PRSS55: variants seen among roughly 807,000 people sequenced by gnomAD.
PRSS55 encodes the protein serine protease 55.
Under a neutral mutation model 23.6 loss-of-function variants are expected in PRSS55, and 41 were observed. The observed-to-expected ratio is 1.74, with a 90% CI of 1.35 to 2.26. PRSS55 has a LOEUF of 2.26. Among genes scored for constraint, PRSS55 ranks in the 30% most tolerant of loss-of-function variants. PRSS55 has a pLI of 0.00. For synonymous variants in PRSS55, 262 were observed against 175.5 expected, an observed-to-expected ratio of 1.49 and a Z score of -3.90; for missense variants, 669 against 439.1, an observed-to-expected ratio of 1.52 and a Z score of -4.68.
chr8:10,547,742 C>T (rs1472712640), intron 4 of PRSS55, among the ~76,000 whole-genome samples: 1 of 141,018 alleles, frequency 7.1e-6, no homozygotes, highest in East Asian at 2.5e-4. Flanking sequence ...CCCCGCCCCG[C>T]CCCGCCCCAG....
At chr8:10,532,800 G>A (rs1210052452) in intron 3 of PRSS55, 106 bp from the exon 4 acceptor site, 3 of 1,408,286 alleles carry the variant, frequency 2.1e-6, no homozygotes, top group South Asian at 2.6e-5. Context: ...GTGAAGGAAG[G>A]GGATGGGGGC....
At chr8:10,553,888 G>A (rs1439486329) in intron 4 of PRSS55, 7 of 1,228,760 alleles carry the variant, frequency 5.7e-6, no homozygotes, top group Non-Finnish European at 7.9e-6. Flanking sequence ...GCACCACATT[G>A]TACAATAAAT....
In PRSS55 at chr8:10,531,447, A is replaced by T; in HGVS notation, c.500A>T (p.Lys167Met). The T allele has an allele frequency of 6.2e-7, 1 of 1,614,208 alleles. No homozygotes were observed. The highest frequency in any genetic ancestry group is 1.1e-5 in the South Asian group (1 of 91,092). ...IALLLLASPI[K>M]LDDLKVPICL... ...TTGCTGCTGCTGGCTTCGCCCATCA[A>T]GCTCGATGACCTGAAGGTGCCCATC... Residue 167 changes from lysine to methionine, a missense_variant, in exon 3 of 5, where the codon AAG (lysine) becomes ATG (methionine). Physicochemically the swap from Lys to Met is moderately conservative, Grantham distance 95. Transcript: ENST00000328655.
intron 4 of PRSS55, 37 bp from the exon 5 acceptor site, chr8:10,538,439 A>G: frequency 6.6e-7 from 1 of 1,521,480 alleles, no homozygotes; most frequent in Non-Finnish European, 9.0e-7. Context: ...GCAGCTTAGA[A>G]CCGGACTCCC....
intron 4 of PRSS55, among the ~76,000 whole-genome samples, chr8:10,550,616 G>A (rs74777978): frequency 0.021 from 3,133 of 152,252 alleles, 114 homozygotes; most frequent in African/African-American, 0.072. Context: ...TTCTGAGACC[G>A]ATTGCCTGAA....
downstream of PRSS55, among the ~76,000 whole-genome samples, chr8:10,539,387 C>A (rs1444458193): frequency 6.6e-6 from 1 of 152,258 alleles, no homozygotes; most frequent in Non-Finnish European, 1.5e-5. Flanking sequence ...GCCCAGGCAG[C>A]CTTCACATGG....
At chr8:10,551,938 G>T (rs1289337602) in intron 4 of PRSS55, among the ~76,000 whole-genome samples, 1 of 152,220 alleles carries the variant, frequency 6.6e-6, no homozygotes, top group Non-Finnish European at 1.5e-5. Flanking sequence ...GCCCAAAGAG[G>T]CAGTTAAACG....
chr8:10,536,401 T>C (rs1812453993), intron 4 of PRSS55, among the ~76,000 whole-genome samples: 2 of 152,222 alleles, frequency 1.3e-5, no homozygotes, highest in Non-Finnish European at 2.9e-5. Context: ...AGAATGCTTC[T>C]ACACTTCTGG....
chr8:10,553,374 T>C (rs774494439), intron 4 of PRSS55, among the ~76,000 whole-genome samples: 3 of 152,194 alleles, frequency 2.0e-5, no homozygotes, highest in Admixed American at 6.5e-5. Flanking sequence ...GAGAATGGAC[T>C]AATACAACAT....
rs1362498172 is a variant in PRSS55, at chr8:10,531,416, A to G, written c.469A>G (p.Ile157Val). 1.2e-6 allele frequency: 2 copies of G among 1,614,120 alleles called. No homozygotes were observed. The highest frequency in any genetic ancestry group is 2.7e-5 in the African/African-American group (2 of 74,952). The change falls in exon 3 of 5, where the codon ATT becomes GTT. Residue 157 changes from isoleucine (I) to valine (V), a missense_variant. Transcript: ENST00000328655. ...DFKRANMDND[I>V]ALLLLASPIK... ...TAAGAGAGCCAACATGGACAATGAC[A>G]TTGCCTTGCTGCTGCTGGCTTCGCC...
rs182415235 is a variant in PRSS55 at position 10,535,968 on chromosome 8, C to G, written c.742-2508C>G. Among the ~76,000 whole-genome samples the G allele has an allele frequency of 2.0e-4, 31 of 152,300 alleles. No individual in the cohort carries two copies. In the East Asian group the frequency reaches 5.4e-3, roughly 27 times the overall value. On this transcript the variant is annotated intron_variant, in intron 4 of 4. Transcript: ENST00000328655. ...GTGGGACGCCAAGACCGGCGGATCACGAGGTCAGGAGATCAAGACCATCCT... is the reference window on the plus strand; with the variant it reads ...GTGGGACGCCAAGACCGGCGGATCAGGAGGTCAGGAGATCAAGACCATCCT...
downstream of PRSS55, among the ~76,000 whole-genome samples, chr8:10,543,489 T>G (rs1162750417): frequency 7.0e-6 from 1 of 142,688 alleles, no homozygotes; most frequent in Non-Finnish European, 1.5e-5. Context: ...TCTTTTTTTT[T>G]TTTTTCCAAG....
chr8:10,531,475 C>T lies in PRSS55; in HGVS notation c.528C>T (p.Cys176=), dbSNP rs1812261799. The T allele has an allele frequency of 1.2e-6, 2 of 1,613,902 alleles. No individual in the cohort carries two copies. The highest frequency in any genetic ancestry group is 2.2e-5 in the East Asian group (1 of 44,900). The part of the protein sequence containing the change: ...IKLDDLKVPI[C]LPTQPGPATW... ...TCGATGACCTGAAGGTGCCCATCTG[C>T]CTCCCCACGCAGCCCGGCCCTGCCA... is the stretch of plus-strand genomic sequence containing the variant. Residue 176 remains cysteine (C), a synonymous_variant, in exon 3 of 5, where the codon TGC becomes TGT. Transcript: ENST00000328655.
intron 4 of PRSS55, among the ~76,000 whole-genome samples, chr8:10,533,358 G>C (rs193074793): frequency 6.6e-6 from 1 of 152,292 alleles, no homozygotes; most frequent in East Asian, 1.9e-4. Context: ...GGAGGATTTG[G>C]TATCTATATA....
chr8:10,548,030 A>G (rs1395187098), intron 4 of PRSS55, among the ~76,000 whole-genome samples: 2 of 152,254 alleles, frequency 1.3e-5, no homozygotes, highest in African/African-American at 4.8e-5. Context: ...GGATGAGAGC[A>G]GAGACCTGGA....
chr8:10,548,315 C>T (rs565629268), intron 4 of PRSS55, among the ~76,000 whole-genome samples: 9 of 152,174 alleles, frequency 5.9e-5, no homozygotes, highest in Non-Finnish European at 7.4e-5. Flanking sequence ...GGACTGGAGA[C>T]CTGGGGCAGC....
In PRSS55 at chr8:10,525,728, G is replaced by C. The variant is rs778395864; in HGVS notation, c.143G>C (p.Ser48Thr). 3 of 1,607,266 alleles carry C rather than the reference G, an allele frequency of 1.9e-6. No homozygotes were observed. Among genetic ancestry groups the C allele is most frequent in the Non-Finnish European group, 1.7e-6 (2 of 1,176,984 alleles). ...AHRPQPPHPP[S>T]PVSECGDRSI... ...CGCCCTCAGCCCCCTCATCCCCCCA[G>C]CCCAGTCAGTGGTGAGTACAGGGGC... The change falls in exon 1 of 5, where the codon AGC becomes ACC. Residue 48 changes from serine (S) to threonine (T), a missense_variant. Physicochemically the swap from Ser to Thr is moderately conservative, Grantham distance 58 (BLOSUM62 1). Coordinates refer to ENST00000328655, the MANE Select transcript of PRSS55 (RefSeq NM_198464.4).
Position 10,529,499 on chromosome 8 carries a change from T to C in PRSS55, c.155-8T>C, listed in dbSNP as rs752722084. ...CCTTTTCCTTTCCACTCTCTTTCTT[T>C]CCACCAGAATGTGGTGACAGATCTA... On this transcript the variant is annotated splice_polypyrimidine_tract_variant and splice_region_variant and intron_variant, in intron 1 of 4. Transcript: ENST00000328655. The C allele has an allele frequency of 1.2e-6, 2 of 1,613,766 alleles. No individual in the cohort carries two copies. The highest frequency in any genetic ancestry group is 1.3e-5 in the African/African-American group (1 of 75,040).
At position 10,525,637 on chromosome 8, in the gene PRSS55, C is replaced by A. The variant is rs1373000159; in HGVS notation, c.52C>A (p.Leu18Ile). 1 of 1,614,160 alleles carries A rather than the reference C, an allele frequency of 6.2e-7. No homozygotes were observed. Among genetic ancestry groups the A allele is most frequent in the South Asian group, 1.1e-5 (1 of 91,082 alleles). The change falls in exon 1 of 5, where the codon CTC (leucine) becomes ATC (isoleucine). Residue 18 changes from leucine (L) to isoleucine (I), a missense_variant. Leu to Ile is a conservative substitution (Grantham distance 5). Transcript: ENST00000328655. ...CCTGTCCCTGGTCACGGGAACTCAG[C>A]TCGGTCCACGGACTCCTCTCCCAGA... The part of the protein sequence containing the change: ...LLLSLVTGTQ[L>I]GPRTPLPEAG...
Sources: allele counts gnomAD v4.1 joint callset (sites outside exome capture counted in the v4.1 genomes callset), GRCh38; gene constraint gnomAD v4.1.1; transcripts MANE v1.5; gene names NCBI Gene and HGNC (gene_info 2026-07-23, HGNC 2026-07-21).